The following ARL11 variants were observed in gnomAD, a reference collection of about 807,000 sequenced individuals.
ARL11 encodes the protein ARF like GTPase 11.
For missense variants in ARL11, 239 were observed against 250.6 expected, an observed-to-expected ratio of 0.95 and a Z score of 0.31; for synonymous variants, 91 against 111.2, an observed-to-expected ratio of 0.82 and a Z score of 1.15.
rs1296087586 is a variant in ARL11, at chr13:49,631,289, C to T, written c.*251C>T. On this transcript the variant is annotated 3_prime_UTR_variant, in exon 2 of 2. Transcript: ENST00000282026. ...GCATGGTGGCATGTGCCTGTAGTCC[C>T]AGCTACTTGGGAGGCTGAGGCAGGA... The T allele has an allele frequency of 2.8e-6, 1 of 352,810 alleles. No individual in the cohort carries two copies. The highest frequency in any genetic ancestry group is 2.1e-5 in the African/African-American group (1 of 46,906). The allele number at this position is 352,810 out of a possible 1,614,324, so 21.9% of individuals were successfully genotyped here.
rs892568952 is a variant in ARL11, at chr13:49,631,654, A to G, written c.*616A>G. 2.4e-5 allele frequency: 4 copies of G among 166,596 alleles called. No individual in the cohort carries two copies. Among genetic ancestry groups the G allele is most frequent in the Non-Finnish European group, 5.9e-5 (4 of 68,088 alleles). The allele number at this position is 166,596 out of a possible 1,614,324, so 10.3% of individuals were successfully genotyped here. A position where few individuals can be genotyped will look rare whatever the true frequency, so the allele number is the denominator to read the frequency against. ...CTAGGAGTTCAAGACCAGCCTGGCC[A>G]ACATGGTGAAACCCCATCTCTACTG... On this transcript the variant is annotated 3_prime_UTR_variant, in exon 2 of 2. Transcript: ENST00000282026.
At chr13:49,630,356 G>A (rs1220335948) in intron 1 of ARL11, 74 bp from the exon 2 acceptor site, 5 of 1,039,330 alleles carry the variant, frequency 4.8e-6, no homozygotes, top group Non-Finnish European at 7.2e-6. Flanking sequence ...ACAGGTGTGA[G>A]CCACTGCACC....
At chr13:49,629,146 C>G (rs568861111) in intron 1 of ARL11, among the ~76,000 whole-genome samples, 1 of 152,038 alleles carries the variant, frequency 6.6e-6, no homozygotes, top group South Asian at 2.1e-4. Context: ...GCCCATAGTC[C>G]CAGCTACTGG....
At position 49,630,825 on chromosome 13, in the gene ARL11, A is replaced by T; in HGVS notation, c.378A>T (p.Ala126=). 6.2e-7 allele frequency: 1 copy of T among 1,607,352 alleles called. No homozygotes were observed. The highest frequency in any genetic ancestry group is 8.5e-7 in the Non-Finnish European group (1 of 1,175,192). The part of the protein sequence containing the change: ...PFLVLANKQE[A]PDALPLLKIR... Reference sequence around the variant, plus strand: ...TGGTGCTGGCCAACAAGCAGGAGGCACCTGATGCACTTCCGCTGCTTAAGA... The same window carrying T: ...TGGTGCTGGCCAACAAGCAGGAGGCTCCTGATGCACTTCCGCTGCTTAAGA... Residue 126 remains alanine, a synonymous_variant, in exon 2 of 2, where the codon GCA becomes GCT. Coordinates refer to ENST00000282026, the MANE Select transcript of ARL11 (RefSeq NM_138450.6).
In ARL11 at chr13:49,631,064, T is replaced by A. The variant is rs1964881889; in HGVS notation, c.*26T>A. Reference sequence around the variant, plus strand: ...TCCAGACAGAGCAGCATATCTTTGCTCATACAAACTAGAAGAACCAGCTGA... The same window carrying A: ...TCCAGACAGAGCAGCATATCTTTGCACATACAAACTAGAAGAACCAGCTGA... On this transcript the variant is annotated 3_prime_UTR_variant, in exon 2 of 2. Coordinates refer to ENST00000282026, the MANE Select transcript of ARL11 (RefSeq NM_138450.6). The A allele has an allele frequency of 1.3e-6, 2 of 1,497,204 alleles. No individual in the cohort carries two copies. The highest frequency in any genetic ancestry group is 1.4e-5 in the African/African-American group (1 of 70,888). 92.7% of individuals were successfully genotyped at this position (1,497,204 alleles called of 1,614,324 possible). A position where few individuals can be genotyped will look rare whatever the true frequency, so the allele number is the denominator to read the frequency against.
At position 49,633,837 on chromosome 13, in the gene ARL11, A is replaced by G. The variant is rs1281412536; in HGVS notation, c.*2799A>G. On this transcript the variant is annotated 3_prime_UTR_variant, in exon 2 of 2. Transcript: ENST00000282026. Reference sequence around the variant, plus strand: ...AGATTGTTCCATTATCTGTACTCCCAACAACCCTGCCGGATATATTTGTTG... The same window carrying G: ...AGATTGTTCCATTATCTGTACTCCCGACAACCCTGCCGGATATATTTGTTG... The G allele has an allele frequency of 3.0e-5, 5 of 167,096 alleles. No homozygotes were observed. Among genetic ancestry groups the G allele is most frequent in the African/African-American group, 1.2e-4 (5 of 41,458 alleles). 10.4% of individuals were successfully genotyped at this position (167,096 alleles called of 1,614,324 possible).
rs752999285 is a variant in ARL11 at position 49,630,495 on chromosome 13, G to A, written c.48G>A (p.Val16=). The change falls in exon 2 of 2, where the codon GTG becomes GTA. Residue 16 remains valine, a synonymous_variant. Coordinates refer to ENST00000282026, the MANE Select transcript of ARL11 (RefSeq NM_138450.6). ...GTCACAAGGCGGAAGCCCAGGTGGT[G>A]ATGATGGGCCTGGACTCGGCGGGCA... is the stretch of plus-strand genomic sequence containing the variant. The part of the protein sequence containing the change: ...SRGHKAEAQV[V]MMGLDSAGKT... The A allele has an allele frequency of 3.7e-6, 6 of 1,613,782 alleles. No individual in the cohort carries two copies. The highest frequency in any genetic ancestry group is 3.3e-5 in the South Asian group (3 of 91,068).
rs559191947 is a variant in ARL11 at position 49,633,326 on chromosome 13, T to C, written c.*2288T>C. 6.6e-5 allele frequency: 11 copies of C among 167,184 alleles called. No individual in the cohort carries two copies. The highest frequency in any genetic ancestry group is 2.2e-4 in the African/African-American group (9 of 41,536). 10.4% of individuals were successfully genotyped at this position (167,184 alleles called of 1,614,324 possible). ...GGTGTAAGAAAGATAAGTAAGTCAG[T>C]GTACTTGCAACAGAGGCTTGGGATG... On this transcript the variant is annotated 3_prime_UTR_variant, in exon 2 of 2. Transcript: ENST00000282026.
In ARL11 at chr13:49,630,530, T is replaced by C. The variant is rs1311937193; in HGVS notation, c.83T>C (p.Leu28Pro). Residue 28 changes from leucine (L) to proline (P), a missense_variant, in exon 2 of 2, where the codon CTC becomes CCC. Leu to Pro is a moderately conservative substitution (Grantham distance 98). Coordinates refer to ENST00000282026, the MANE Select transcript of ARL11 (RefSeq NM_138450.6). The part of the protein sequence containing the change: ...MGLDSAGKTT[L>P]LYKLKGHQLV... The stretch of plus-strand genomic sequence containing the variant: ...CTGGACTCGGCGGGCAAGACCACGC[T>C]CCTTTACAAGCTGAAGGGCCACCAG... 1 of 1,613,734 alleles carries C rather than the reference T, an allele frequency of 6.2e-7. No individual in the cohort carries two copies. Among genetic ancestry groups the C allele is most frequent in the Non-Finnish European group, 8.5e-7 (1 of 1,180,010 alleles).
Position 49,630,638 on chromosome 13 carries a change from T to C in ARL11, c.191T>C (p.Val64Ala), listed in dbSNP as rs1357327382. 8 of 1,614,152 alleles carry C rather than the reference T, an allele frequency of 5.0e-6. No homozygotes were observed. The highest frequency in any genetic ancestry group is 1.7e-5 in the Admixed American group (1 of 60,022). ...PGHVSLTLWDVGGQAPLRASW... is the reference protein window; with the variant it reads ...PGHVSLTLWDAGGQAPLRASW... ...CACGTGTCACTGACTCTCTGGGACG[T>C]TGGGGGGCAGGCCCCGCTCAGAGCC... Residue 64 changes from valine to alanine, a missense_variant, in exon 2 of 2, where the codon GTT becomes GCT. By Grantham distance (64) the Val-to-Ala change is moderately conservative. Coordinates refer to ENST00000282026, the MANE Select transcript of ARL11 (RefSeq NM_138450.6).
At chr13:49,630,380 C>T in intron 1 of ARL11, 50 bp from the exon 2 acceptor site, 1 of 1,334,350 alleles carries the variant, frequency 7.5e-7, no homozygotes, top group East Asian at 2.3e-5. Flanking sequence ...ATGGATTTGT[C>T]TTCCTTCAGA....
At position 49,630,750 on chromosome 13, in the gene ARL11, T is replaced by C; in HGVS notation, c.303T>C (p.Ala101=). The part of the protein sequence containing the change: ...TDEARLPESA[A]ELTEVLNDPN... The stretch of plus-strand genomic sequence containing the variant: ...AAGCCCGCTTACCCGAGTCGGCGGC[T>C]GAGCTCACAGAAGTCCTGAACGACC... Residue 101 remains alanine, a synonymous_variant, in exon 2 of 2, where the codon GCT becomes GCC. Coordinates refer to ENST00000282026, the MANE Select transcript of ARL11 (RefSeq NM_138450.6). The C allele has an allele frequency of 6.2e-7, 1 of 1,614,078 alleles. No individual in the cohort carries two copies. The highest frequency in any genetic ancestry group is 1.1e-5 in the South Asian group (1 of 91,084).
rs542593434 is a variant in ARL11 at position 49,631,785 on chromosome 13, C to G, written c.*747C>G. On this transcript the variant is annotated 3_prime_UTR_variant, in exon 2 of 2. Transcript: ENST00000282026. ...CCAGGAAGTGGAGGTTGCAGTGAGC[C>G]GAGATTGTGCTGCTGCACTCCAGCC... 1 of 166,324 alleles carries G rather than the reference C, an allele frequency of 6.0e-6. No homozygotes were observed. Among genetic ancestry groups the G allele is most frequent in the Non-Finnish European group, 1.5e-5 (1 of 68,084 alleles). 10.3% of individuals were successfully genotyped at this position (166,324 alleles called of 1,614,324 possible).
At position 49,632,844 on chromosome 13, in the gene ARL11, G is replaced by C. The variant is rs1441474618; in HGVS notation, c.*1806G>C. ...CAGTCAACATGTTTCAAGACGCTGT[G>C]TTAGACACTAGGGATGCAAAGATGA... On this transcript the variant is annotated 3_prime_UTR_variant, in exon 2 of 2. Coordinates refer to ENST00000282026, the MANE Select transcript of ARL11 (RefSeq NM_138450.6). 1 of 167,048 alleles carries C rather than the reference G, an allele frequency of 6.0e-6. No homozygotes were observed. Among genetic ancestry groups the C allele is most frequent in the Non-Finnish European group, 1.5e-5 (1 of 68,120 alleles). The allele number at this position is 167,048 out of a possible 1,614,324, so 10.3% of individuals were successfully genotyped here.
In ARL11 at chr13:49,632,192, G is replaced by C. The variant is rs1535467; in HGVS notation, c.*1154G>C. On this transcript the variant is annotated 3_prime_UTR_variant, in exon 2 of 2. Transcript: ENST00000282026. ...CTCCTTCTTGTAGCACATATCTTTC[G>C]TTAAAGATCAGATCAATAAAATATT... 62,390 of 165,694 alleles carry C rather than the reference G, an allele frequency of 0.38. 13,681 individuals carry two copies. Among genetic ancestry groups the C allele is most frequent in the Non-Finnish European group, 0.52 (35,105 of 67,952 alleles). The allele number at this position is 165,694 out of a possible 1,614,324, so 10.3% of individuals were successfully genotyped here.
chr13:49,631,065 C>T lies in ARL11; in HGVS notation c.*27C>T, dbSNP rs764253976. 4.0e-6 allele frequency: 6 copies of T among 1,496,442 alleles called. No individual in the cohort carries two copies. Among genetic ancestry groups the T allele is most frequent in the East Asian group, 2.5e-5 (1 of 40,308 alleles). The allele number at this position is 1,496,442 out of a possible 1,614,324, so 92.7% of individuals were successfully genotyped here. Reference sequence around the variant, plus strand: ...CCAGACAGAGCAGCATATCTTTGCTCATACAAACTAGAAGAACCAGCTGAT... The same window carrying T: ...CCAGACAGAGCAGCATATCTTTGCTTATACAAACTAGAAGAACCAGCTGAT... On this transcript the variant is annotated 3_prime_UTR_variant, in exon 2 of 2. Transcript: ENST00000282026.
In ARL11 at chr13:49,631,022, A is replaced by G. The variant is rs200112422; in HGVS notation, c.575A>G (p.Asp192Gly). 35 of 1,584,136 alleles carry G rather than the reference A, an allele frequency of 2.2e-5. No individual in the cohort carries two copies. The African/African-American group carries it at 2.6e-4, about 12-fold the overall frequency. ...AGAGCCCATGGGGCTGAGCGCGGAG[A>G]CAGCAAGAGATCTTGATCCAGACAG... ...QARAHGAERG[D>G]SKRS The change falls in exon 2 of 2, where the codon GAC becomes GGC. Residue 192 changes from aspartate (D) to glycine (G), a missense_variant. Asp to Gly is a moderately conservative substitution (Grantham distance 94). Coordinates refer to ENST00000282026, the MANE Select transcript of ARL11 (RefSeq NM_138450.6).
At position 49,630,440 on chromosome 13, in the gene ARL11, T is replaced by C. The variant is rs745794772; in HGVS notation, c.-8T>C. On this transcript the variant is annotated 5_prime_UTR_variant, in exon 2 of 2. Transcript: ENST00000282026. The stretch of plus-strand genomic sequence containing the variant: ...GCCTTTCTCCCCTAGGATTCAGCAG[T>C]GGCCACCATGGGTTCTGTGAATTCC... 11 of 1,600,888 alleles carry C rather than the reference T, an allele frequency of 6.9e-6. No homozygotes were observed. In the South Asian group the frequency reaches 1.2e-4, roughly 18 times the overall value.
chr13:49,629,694 G>A (rs1055426109), intron 1 of ARL11, among the ~76,000 whole-genome samples: 6 of 152,164 alleles, frequency 3.9e-5, no homozygotes, highest in African/African-American at 1.4e-4. Context: ...GACCATCCAC[G>A]TTTGTGTAAT....
Sources: gnomAD v4.1 joint callset for allele counts (sites outside exome capture counted in the v4.1 genomes callset) on GRCh38, gnomAD v4.1.1 for gene constraint, MANE v1.5 for transcripts, NCBI Gene and HGNC (gene_info 2026-07-23, HGNC 2026-07-21) for gene names.